The following THADA variants were observed in gnomAD, a reference collection of about 807,000 sequenced individuals.
THADA encodes the protein tRNA (32-2'-O)-methyltransferase regulator THADA.
A neutral mutation model predicts 219.8 loss-of-function variants in THADA; 213 were observed. The ratio of observed to expected loss-of-function variants is 0.97; its 90% CI spans 0.87 to 1.09. The LOEUF (loss-of-function observed/expected upper bound fraction) is 1.09. THADA is among the 50% of genes least tolerant of loss of function. THADA has a pLI of 0.00. For synonymous variants in THADA, 1,018 were observed against 828.9 expected, an observed-to-expected ratio of 1.23 and a Z score of -3.92; for missense variants, 2,956 against 2,311.3, an observed-to-expected ratio of 1.28 and a Z score of -5.72.
intron 16 of THADA, among the ~76,000 whole-genome samples, chr2:43,558,470 A>T (rs976962191): frequency 6.6e-6 from 1 of 152,204 alleles, no homozygotes; most frequent in Non-Finnish European, 1.5e-5. Flanking sequence ...TTAATATTTC[A>T]ATCAGTGGAC....
chr2:43,335,815 A>AG (rs57130818), intron 30 of THADA, among the ~76,000 whole-genome samples: 1 of 148,314 alleles, frequency 6.7e-6, no homozygotes, highest in Non-Finnish European at 1.5e-5. Context: ...AAAAAAAAAA[A>AG]GGGCCAGGAG....
intron 21 of THADA, 107 bp from the exon 22 acceptor site, chr2:43,528,095 G>C (rs1693393174): frequency 1.5e-6 from 1 of 650,646 alleles, no homozygotes; most frequent in Non-Finnish European, 2.7e-6. Flanking sequence ...CATTCATTTA[G>C]CGCTTACCAT....
intron 29 of THADA, among the ~76,000 whole-genome samples, chr2:43,388,711 C>T (rs1672990078): frequency 1.3e-5 from 2 of 152,210 alleles, no homozygotes; most frequent in Non-Finnish European, 1.5e-5. Context: ...GCAGAGAACA[C>T]AGTGACTGAC....
intron 22 of THADA, among the ~76,000 whole-genome samples, chr2:43,525,589 A>C (rs1306572662): frequency 6.6e-6 from 1 of 152,152 alleles, no homozygotes; most frequent in African/African-American, 2.4e-5. Context: ...CCAGCCTTCT[A>C]GCTAGTCCCA....
chr2:43,531,508 G>C (rs1476609875), intron 21 of THADA, among the ~76,000 whole-genome samples: 3 of 152,206 alleles, frequency 2.0e-5, no homozygotes, highest in African/African-American at 4.8e-5. Context: ...CAAATGACTA[G>C]TGGGCTTGGC....
intron 34 of THADA, among the ~76,000 whole-genome samples, chr2:43,289,657 G>C (rs1212480488): frequency 2.6e-5 from 4 of 152,140 alleles, no homozygotes; most frequent in Non-Finnish European, 5.9e-5. Flanking sequence ...TTGTTTGTTT[G>C]TTTGCTTTTT....
intron 29 of THADA, among the ~76,000 whole-genome samples, chr2:43,385,017 TGTA>T (rs1046437739): frequency 6.6e-6 from 1 of 152,010 alleles, no homozygotes; most frequent in African/African-American, 2.4e-5. Context: ...GGTGCACGCC[TGTA>T]GTCCCTGCTA....
chr2:43,509,568 T>C (rs777560716), intron 22 of THADA, among the ~76,000 whole-genome samples: 5 of 152,132 alleles, frequency 3.3e-5, no homozygotes, highest in East Asian at 3.8e-4. Flanking sequence ...CTTTTTTAAG[T>C]TGAGGAAGAA....
At chr2:43,312,675 G>C (rs1677642864) in intron 31 of THADA, among the ~76,000 whole-genome samples, 1 of 150,612 alleles carries the variant, frequency 6.6e-6, no homozygotes, top group South Asian at 2.1e-4. Context: ...GACAGTTCCA[G>C]TGTTTTGGGG....
chr2:43,348,679 G>A (rs1667916604), intron 29 of THADA, among the ~76,000 whole-genome samples: 1 of 152,096 alleles, frequency 6.6e-6, no homozygotes, highest in Non-Finnish European at 1.5e-5. Flanking sequence ...ATGGAGTTAA[G>A]GCGCAGGAAA....
At chr2:43,365,280 C>T (rs915009820) in intron 29 of THADA, among the ~76,000 whole-genome samples, 1 of 151,786 alleles carries the variant, frequency 6.6e-6, no homozygotes, top group African/African-American at 2.4e-5. Context: ...TTAAAGGGCG[C>T]AAGAATATAC....
chr2:43,357,732 C>G (rs1669036857), intron 29 of THADA, among the ~76,000 whole-genome samples: 1 of 152,140 alleles, frequency 6.6e-6, no homozygotes, highest in Non-Finnish European at 1.5e-5. Flanking sequence ...ATAGACTCAA[C>G]TGGAAAGATC....
intron 23 of THADA, among the ~76,000 whole-genome samples, chr2:43,506,899 C>T (rs1327494585): frequency 6.6e-6 from 1 of 152,020 alleles, no homozygotes; most frequent in Non-Finnish European, 1.5e-5. Context: ...TAAAGACATA[C>T]AAAAAATAGT....
At chr2:43,241,279 G>A (rs1254380008) in intron 36 of THADA, among the ~76,000 whole-genome samples, 1 of 151,704 alleles carries the variant, frequency 6.6e-6, no homozygotes, top group Non-Finnish European at 1.5e-5. Flanking sequence ...TTGTAGAGAC[G>A]GGTTTTGCCA....
At chr2:43,277,755 A>G (rs1672887122) in intron 36 of THADA, among the ~76,000 whole-genome samples, 1 of 152,240 alleles carries the variant, frequency 6.6e-6, no homozygotes, top group Admixed American at 6.5e-5. Context: ...TGTGGCATTT[A>G]GTCAACCACC....
Position 43,552,198 on chromosome 2 carries a change from C to G in THADA, c.2810+6G>C, listed in dbSNP as rs1369160850. 5 of 1,604,234 alleles carry G rather than the reference C, an allele frequency of 3.1e-6. No individual in the cohort carries two copies. The highest frequency in any genetic ancestry group is 4.3e-6 in the Non-Finnish European group (5 of 1,176,440). On this transcript the variant is annotated splice_donor_region_variant and intron_variant, in intron 18 of 37. Transcript: ENST00000405975. ...TGAGACAGGAGGCAGCTGTGGAAAT[C>G]CTTACTTTAGAGATAACTTCTGCAA...
At chr2:43,314,399 T>C (rs1383020418) in intron 31 of THADA, among the ~76,000 whole-genome samples, 1 of 152,144 alleles carries the variant, frequency 6.6e-6, no homozygotes, top group African/African-American at 2.4e-5. Flanking sequence ...AATGAAAGTC[T>C]GAAAGTGCAG....
At chr2:43,560,514 TA>T (rs1439346380) in intron 15 of THADA, 129 bp from the exon 16 acceptor site, 1 of 521,636 alleles carries the variant, frequency 1.9e-6, no homozygotes, top group African/African-American at 2.0e-5. Flanking sequence ...CCATGATAGC[TA>T]AAACAGTAAC....
intron 7 of THADA, among the ~76,000 whole-genome samples, chr2:43,583,795 C>T (rs537792596): frequency 7.2e-4 from 109 of 152,208 alleles, no homozygotes; most frequent in African/African-American, 2.5e-3. Flanking sequence ...GTAATCCCAG[C>T]ACTTTGGGGG....
Sources: allele counts gnomAD v4.1 joint callset (sites outside exome capture counted in the v4.1 genomes callset), GRCh38; gene constraint gnomAD v4.1.1; transcripts MANE v1.5; gene names NCBI Gene and HGNC (gene_info 2026-07-23, HGNC 2026-07-21).